The following PAK5 variants were observed in gnomAD, a reference collection of about 807,000 sequenced individuals.
PAK5 encodes p21 (RAC1) activated kinase 5.
A neutral mutation model predicts 65.9 loss-of-function variants in PAK5; 16 were observed. The ratio of observed to expected loss-of-function variants is 0.24; its 90% CI spans 0.16 to 0.37. PAK5 has a LOEUF of 0.37. Ranked by LOEUF, PAK5 falls within the 10% of genes least tolerant of loss-of-function variation. The pLI, the probability that PAK5 is intolerant of heterozygous loss-of-function variation, is 1.00. For missense variants in PAK5, 785 were observed against 903.9 expected (o/e 0.87, Z 1.69); for synonymous variants, 371 against 354.9 (o/e 1.05, Z -0.51).
chr20:9,700,977 T>C (rs2047932050), intron 2 of PAK5, among the ~76,000 whole-genome samples: 1 of 152,164 alleles, frequency 6.6e-6, no homozygotes, highest in African/African-American at 2.4e-5. Flanking sequence ...AAAACTGGAA[T>C]ATCTGGCCCA....
intron 1 of PAK5, chr20:9,784,244 C>T (rs1347577318): frequency 1.3e-5 from 2 of 152,110 alleles, no homozygotes; most frequent in African/African-American, 4.8e-5. Context: ...TACAGGATTG[C>T]CACTGCTGAG....
chr20:9,752,458 G>A (rs574353260), intron 1 of PAK5, among the ~76,000 whole-genome samples: 6 of 152,184 alleles, frequency 3.9e-5, no homozygotes, highest in African/African-American at 9.6e-5. Flanking sequence ...GATAAGTTAC[G>A]GAGTTACTGT....
intron 8 of PAK5, among the ~76,000 whole-genome samples, chr20:9,543,547 C>A (rs2045299810): frequency 6.6e-6 from 1 of 152,088 alleles, no homozygotes; most frequent in Non-Finnish European, 1.5e-5. Context: ...GTCAAGCAAA[C>A]AAGAGAAAGA....
intron 4 of PAK5, among the ~76,000 whole-genome samples, chr20:9,574,983 T>G (rs1423977146): frequency 6.6e-6 from 1 of 152,158 alleles, no homozygotes; most frequent in African/African-American, 2.4e-5. Context: ...GCTGTTCTGT[T>G]GTTGGAGCCA....
At chr20:9,702,886 C>T (rs977697202) in intron 2 of PAK5, among the ~76,000 whole-genome samples, 2 of 152,170 alleles carry the variant, frequency 1.3e-5, no homozygotes, top group Non-Finnish European at 1.5e-5. Context: ...GGAAGATTAA[C>T]TCCTGGACAG....
chr20:9,579,427 G>A (rs1014957070), intron 4 of PAK5, among the ~76,000 whole-genome samples: 4 of 152,040 alleles, frequency 2.6e-5, no homozygotes, highest in African/African-American at 9.7e-5. Flanking sequence ...TAACTTCTCC[G>A]GCAGTGATTC....
intron 3 of PAK5, among the ~76,000 whole-genome samples, chr20:9,588,806 T>C (rs949527186): frequency 2.0e-5 from 3 of 152,168 alleles, no homozygotes; most frequent in Non-Finnish European, 4.4e-5. Flanking sequence ...CAACCCAATC[T>C]ATTTGAGTTT....
intron 2 of PAK5, among the ~76,000 whole-genome samples, chr20:9,666,422 C>T (rs1600218262): frequency 8.4e-6 from 1 of 119,228 alleles, no homozygotes; most frequent in Non-Finnish European, 1.7e-5. Flanking sequence ...AGCACAACAA[C>T]AGCAAAAGGC....
chr20:9,667,068 G>C (rs1318775575), intron 2 of PAK5, among the ~76,000 whole-genome samples: 1 of 152,164 alleles, frequency 6.6e-6, no homozygotes, highest in Non-Finnish European at 1.5e-5. Context: ...CTTGAGGTCA[G>C]GAGTTTGAGA....
chr20:9,630,008 G>A lies in PAK5; in HGVS notation c.204+14117C>T, dbSNP rs907955316. Among the ~76,000 whole-genome samples, 25 of 152,294 alleles carry A rather than the reference G, an allele frequency of 1.6e-4. No individual in the cohort carries two copies. The East Asian group carries it at 4.1e-3, about 25-fold the overall frequency. ...GTGAAGTTCGGTGAAATAGTCTCCC[G>A]AGGTCGTGTGGAAAGCAGAATTGAA... is the stretch of plus-strand genomic sequence containing the variant. On this transcript the variant is annotated intron_variant, in intron 3 of 9. Coordinates refer to ENST00000353224, the MANE Select transcript of PAK5 (RefSeq NM_177990.4).
At chr20:9,752,224 A>G (rs545578015) in intron 1 of PAK5, among the ~76,000 whole-genome samples, 11 of 152,262 alleles carry the variant, frequency 7.2e-5, no homozygotes, top group Non-Finnish European at 1.6e-4. Context: ...AGCAATCACA[A>G]AGTCCTTGAA....
At chr20:9,720,520 C>T (rs2048201707) in intron 1 of PAK5, among the ~76,000 whole-genome samples, 1 of 152,016 alleles carries the variant, frequency 6.6e-6, no homozygotes, top group African/African-American at 2.4e-5. Flanking sequence ...ACATTATTGC[C>T]TTTTAAAAAT....
intron 2 of PAK5, among the ~76,000 whole-genome samples, chr20:9,656,630 C>G (rs1359108647): frequency 2.0e-5 from 3 of 152,130 alleles, no homozygotes; most frequent in African/African-American, 7.2e-5. Context: ...TGGGTTCAAA[C>G]CTTTGTTCTT....
chr20:9,771,582 ATTTTT>A (rs545140358), intron 1 of PAK5, among the ~76,000 whole-genome samples: 2 of 109,756 alleles, frequency 1.8e-5, no homozygotes, highest in African/African-American at 3.5e-5. Context: ...CAATTTTTTA[ATTTTT>A]TTTTTTTTTT....
Position 9,585,772 on chromosome 20 carries a change from G to A in PAK5, c.205-4842C>T, listed in dbSNP as rs555890220. On this transcript the variant is annotated intron_variant, in intron 3 of 9. Coordinates refer to ENST00000353224, the MANE Select transcript of PAK5 (RefSeq NM_177990.4). ...TTTAAAACATCCTAATGCCCTCAAC[G>A]AAAACACTGCCTTCAGTGGACGGAA... Among the ~76,000 whole-genome samples the A allele has an allele frequency of 2.5e-3, 375 of 152,258 alleles. 2 individuals are homozygous for A. The highest frequency in any genetic ancestry group is 3.5e-3 in the Non-Finnish European group (239 of 68,022).
intron 1 of PAK5, among the ~76,000 whole-genome samples, chr20:9,830,684 C>G (rs1978641611): frequency 1.3e-5 from 2 of 152,190 alleles, no homozygotes; most frequent in Admixed American, 1.3e-4. Flanking sequence ...ATATAAGGAT[C>G]AGGCTGAAAA....
rs2045958666 is a variant in PAK5 at position 9,580,479 on chromosome 20, T to C, written c.656A>G (p.Tyr219Cys). 6.2e-7 allele frequency: 1 copy of C among 1,613,966 alleles called. No homozygotes were observed. The highest frequency in any genetic ancestry group is 1.3e-5 in the African/African-American group (1 of 74,934). ...PSEYSDLKWE[Y>C]QRASSSSPLD... ...AGGGGAGCTACTCGAGGCTCTCTGA[T>C]ACTCCCACTTGAGGTCACTGTATTC... Residue 219 changes from tyrosine (Y) to cysteine (C), a missense_variant, in exon 4 of 10, where the codon TAT becomes TGT. Tyr to Cys is a radical substitution (Grantham distance 194, BLOSUM62 -2). Coordinates refer to ENST00000353224, the MANE Select transcript of PAK5 (RefSeq NM_177990.4).
chr20:9,676,147 C>T (rs1025424478), intron 2 of PAK5, among the ~76,000 whole-genome samples: 2 of 151,954 alleles, frequency 1.3e-5, no homozygotes, highest in Non-Finnish European at 2.9e-5. Flanking sequence ...CAGGAAAACT[C>T]CCCCTTACAA....
At chr20:9,716,408 A>G (rs531476285) in intron 1 of PAK5, among the ~76,000 whole-genome samples, 1 of 152,324 alleles carries the variant, frequency 6.6e-6, no homozygotes, top group East Asian at 1.9e-4. Flanking sequence ...CAGTTTTAAA[A>G]TTGATATAAT....
Sources: gnomAD v4.1 joint callset for allele counts (sites outside exome capture counted in the v4.1 genomes callset) on GRCh38, gnomAD v4.1.1 for gene constraint, MANE v1.5 for transcripts, NCBI Gene and HGNC (gene_info 2026-07-23, HGNC 2026-07-21) for gene names.